IGSF21: variants seen among roughly 807,000 people sequenced by gnomAD.
IGSF21 encodes the protein immunoglobulin superfamily member 21.
A neutral mutation model predicts 46.8 loss-of-function variants in IGSF21; 28 were observed. The ratio of observed to expected loss-of-function variants is 0.60; its 90% confidence interval spans 0.44 to 0.82. The LOEUF is 0.82. Among genes scored for constraint, IGSF21 ranks in the 40% least tolerant of loss-of-function variants. The pLI, the probability that IGSF21 is intolerant of heterozygous loss-of-function variation, is 0.00. For synonymous variants in IGSF21, 284 were observed against 273.6 expected (o/e 1.04, Z -0.38); for missense variants, 624 against 665.5 (o/e 0.94, Z 0.69).
chr1:18,208,793 T>C lies in IGSF21; in HGVS notation c.71-19105T>C, dbSNP rs1007866748. ...ATAGTACATGGAAGGAATAAGTGGA[T>C]TGCAATATTTCACACAATGAGATAC... On this transcript the variant is annotated intron_variant, in intron 1 of 9. Coordinates refer to ENST00000251296, the MANE Select transcript of IGSF21 (RefSeq NM_032880.5). 4.6e-5 allele frequency among the ~76,000 whole-genome samples: 7 copies of C among 152,050 alleles called. No individual in the cohort carries two copies. In the East Asian group the frequency reaches 5.8e-4, roughly 13 times the overall value.
At chr1:18,254,357 A>AAACCCTAACCCT (rs146760306) in intron 2 of IGSF21, among the ~76,000 whole-genome samples, 3 of 147,764 alleles carry the variant, frequency 2.0e-5, no homozygotes, top group Non-Finnish European at 4.4e-5. Context: ...GAATGGCTCA[A>AAACCCTAACCCT]AACCCTAACC....
chr1:18,244,669 G>A (rs774653126), intron 2 of IGSF21, among the ~76,000 whole-genome samples: 13 of 152,198 alleles, frequency 8.5e-5, no homozygotes, highest in Non-Finnish European at 1.3e-4. Context: ...CTGCCACAGA[G>A]GCCCCTGCCC....
chr1:18,272,950 T>C (rs1230949564), intron 2 of IGSF21, among the ~76,000 whole-genome samples: 1 of 151,332 alleles, frequency 6.6e-6, no homozygotes, highest in South Asian at 2.1e-4. Context: ...TATGCTCAGG[T>C]GGGAGCTGGT....
chr1:18,200,418 G>C (rs535216143), intron 1 of IGSF21, among the ~76,000 whole-genome samples: 12 of 152,188 alleles, frequency 7.9e-5, no homozygotes, highest in African/African-American at 2.9e-4. Flanking sequence ...TCGAGGTGTG[G>C]GTGGGCCACA....
chr1:18,361,946 C>G, intron 4 of IGSF21, 169 bp from the exon 5 acceptor site: 1 of 592,692 alleles, frequency 1.7e-6, no homozygotes. Flanking sequence ...CCAGCAAGGA[C>G]GTGTTCCTCA....
At chr1:18,309,259 G>C (rs560330145) in intron 3 of IGSF21, among the ~76,000 whole-genome samples, 1 of 152,124 alleles carries the variant, frequency 6.6e-6, no homozygotes, top group Non-Finnish European at 1.5e-5. Flanking sequence ...AGCCACCCTA[G>C]GGGCAATGAT....
At chr1:18,185,928 G>T (rs1317637441) in intron 1 of IGSF21, among the ~76,000 whole-genome samples, 1 of 152,198 alleles carries the variant, frequency 6.6e-6, no homozygotes, top group African/African-American at 2.4e-5. Flanking sequence ...TAAAATAGGT[G>T]CACTGGTCCT....
At position 18,290,572 on chromosome 1, in the gene IGSF21, T is replaced by C. The variant is rs2085255764; in HGVS notation, c.184-1294T>C. 6.6e-6 allele frequency among the ~76,000 whole-genome samples: 1 copy of C among 152,204 alleles called. No individual in the cohort carries two copies. The highest frequency in any genetic ancestry group is 1.5e-5 in the Non-Finnish European group (1 of 68,028). On this transcript the variant is annotated intron_variant, in intron 2 of 9. Transcript: ENST00000251296. This position sits in a 1 kb window ranked among gnomAD's most constrained non-coding sequence, Gnocchi z 4.2. ...GTAGCCTGTGTCTGCACACAGCTGG[T>C]TGCTCAACCAGTGCTGGCCAGATGC...
chr1:18,245,493 G>A (rs1168439505), intron 2 of IGSF21, among the ~76,000 whole-genome samples: 2 of 151,946 alleles, frequency 1.3e-5, no homozygotes, highest in African/African-American at 4.8e-5. Flanking sequence ...TGGGTCTCTG[G>A]GATGTAAGAA....
chr1:18,329,321 G>A (rs543726351), intron 3 of IGSF21, among the ~76,000 whole-genome samples: 8 of 152,188 alleles, frequency 5.3e-5, no homozygotes, highest in Non-Finnish European at 1.2e-4. Flanking sequence ...TAATCCACAA[G>A]ACAGGTGTCA....
At chr1:18,374,070 T>G (rs2124639301) in intron 6 of IGSF21, among the ~76,000 whole-genome samples, 1 of 152,270 alleles carries the variant, frequency 6.6e-6, no homozygotes, top group South Asian at 2.1e-4. Flanking sequence ...AGGACCGGGA[T>G]GCCCTTCAGC....
intron 1 of IGSF21, among the ~76,000 whole-genome samples, chr1:18,172,765 C>A (rs1570298058): frequency 6.6e-6 from 1 of 152,328 alleles, no homozygotes. Context: ...GTCCATATCA[C>A]AACTGCACAC....
At chr1:18,184,943 C>T (rs1432026384) in intron 1 of IGSF21, among the ~76,000 whole-genome samples, 3 of 152,182 alleles carry the variant, frequency 2.0e-5, no homozygotes. Flanking sequence ...TGTTTTCTCA[C>T]CTGGAAAATG....
Position 18,208,084 on chromosome 1 carries a change from A to G in IGSF21, c.71-19814A>G, listed in dbSNP as rs184092805. On this transcript the variant is annotated intron_variant, in intron 1 of 9. Transcript: ENST00000251296. ...CACATCAAATGCATATCATTGGCCAACAGGGGAGTTTTCCTAAGGGAAGAT... is the reference window on the plus strand; with the variant it reads ...CACATCAAATGCATATCATTGGCCAGCAGGGGAGTTTTCCTAAGGGAAGAT... Among the ~76,000 whole-genome samples the G allele has an allele frequency of 9.2e-4, 140 of 152,118 alleles. 1 individual carries two copies. The highest frequency in any genetic ancestry group is 3.3e-3 in the African/African-American group (135 of 41,516).
At position 18,289,790 on chromosome 1, in the gene IGSF21, C is replaced by T. The variant is rs139879573; in HGVS notation, c.184-2076C>T. Among the ~76,000 whole-genome samples the T allele has an allele frequency of 3.3e-5, 5 of 152,318 alleles. No homozygotes were observed. The East Asian group carries it at 9.7e-4, about 29-fold the overall frequency. On this transcript the variant is annotated intron_variant, in intron 2 of 9. Coordinates refer to ENST00000251296, the MANE Select transcript of IGSF21 (RefSeq NM_032880.5). Reference sequence around the variant, plus strand: ...CAGTTGTGACAACCAAAAATGTCTCCTGAGCTTGCTGTATGTCCCCTGGTG... The same window carrying T: ...CAGTTGTGACAACCAAAAATGTCTCTTGAGCTTGCTGTATGTCCCCTGGTG...
chr1:18,249,461 C>T (rs934361135), intron 2 of IGSF21, among the ~76,000 whole-genome samples: 4 of 152,064 alleles, frequency 2.6e-5, no homozygotes, highest in African/African-American at 9.7e-5. Flanking sequence ...TCACCAGATG[C>T]AGAAGGTGAG....
intron 4 of IGSF21, among the ~76,000 whole-genome samples, chr1:18,336,842 G>C (rs1160225324): frequency 6.6e-6 from 1 of 152,214 alleles, no homozygotes; most frequent in Non-Finnish European, 1.5e-5. Context: ...CGTGGCTAGG[G>C]AGGCCTCACA....
intron 6 of IGSF21, among the ~76,000 whole-genome samples, chr1:18,372,482 T>C (rs1256812276): frequency 1.3e-5 from 2 of 152,114 alleles, no homozygotes; most frequent in Non-Finnish European, 2.9e-5. Flanking sequence ...TTTGAATAGA[T>C]GAATGAATAA....
intron 1 of IGSF21, among the ~76,000 whole-genome samples, chr1:18,146,745 A>G (rs915539218): frequency 2.0e-5 from 3 of 152,046 alleles, no homozygotes; most frequent in African/African-American, 7.2e-5. Context: ...CCCTCTCCCC[A>G]GCCTTTCTTC....
Sources: gnomAD v4.1 joint callset for allele counts (sites outside exome capture counted in the v4.1 genomes callset) on GRCh38, gnomAD v4.1.1 for gene constraint, Gnocchi (gnomAD v3.1) non-coding constraint, MANE v1.5 for transcripts, NCBI Gene and HGNC (gene_info 2026-07-23, HGNC 2026-07-21) for gene names.